The following LGSN variants were observed in gnomAD, a reference collection of about 807,000 sequenced individuals.
The protein encoded by LGSN is lengsin.
Under a neutral mutation model 19.5 loss-of-function variants are expected in LGSN, and 21 were observed. The observed-to-expected ratio is 1.07, with a 90% CI of 0.76 to 1.55. The LOEUF (loss-of-function observed/expected upper bound fraction) is 1.55, where lower values mean the gene tolerates loss of function less well. Among genes scored for constraint, LGSN ranks in the 40% most tolerant of loss-of-function variants. The probability of loss-of-function intolerance (pLI) is 0.00; values close to 1 mark genes in which losing one functional copy is unlikely to be tolerated. For missense variants in LGSN, 673 were observed against 608.5 expected (o/e 1.11, Z -1.12); for synonymous variants, 257 against 215.6 (o/e 1.19, Z -1.68).
chr6:63,461,769 G>C, the LGSN span, among the ~76,000 whole-genome samples: 1 of 152,150 alleles, frequency 6.6e-6, no homozygotes, highest in African/African-American at 2.4e-5. Context: ...CTATTAATTT[G>C]TATTCCAAAT....
At chr6:63,388,247 T>C in the LGSN span, among the ~76,000 whole-genome samples, 1 of 152,048 alleles carries the variant, frequency 6.6e-6, no homozygotes, top group Non-Finnish European at 1.5e-5. Flanking sequence ...AGTGGTGAAT[T>C]ATGAAGATAA....
At chr6:63,374,662 G>C in the LGSN span, among the ~76,000 whole-genome samples, 1 of 152,218 alleles carries the variant, frequency 6.6e-6, no homozygotes, top group African/African-American at 2.4e-5. Flanking sequence ...CAAGACAAAA[G>C]TGTTGTCTTA....
the LGSN span, among the ~76,000 whole-genome samples, chr6:63,546,428 G>A: frequency 1.4e-3 from 211 of 152,312 alleles, 1 homozygote; most frequent in Admixed American, 3.3e-3. Context: ...ACATTTGGCC[G>A]GGTGCGGTGG....
At chr6:63,347,935 T>G in the LGSN span, among the ~76,000 whole-genome samples, 1 of 152,066 alleles carries the variant, frequency 6.6e-6, no homozygotes, top group South Asian at 2.1e-4. Context: ...TAGAAAAAGG[T>G]TAATTGTGTG....
At chr6:63,479,784 C>T in the LGSN span, among the ~76,000 whole-genome samples, 1 of 152,098 alleles carries the variant, frequency 6.6e-6, no homozygotes, top group Non-Finnish European at 1.5e-5. Flanking sequence ...TTGAACTCCT[C>T]ATTTTATAGA....
chr6:63,368,642 T>C, the LGSN span, among the ~76,000 whole-genome samples: 2 of 152,240 alleles, frequency 1.3e-5, no homozygotes, highest in African/African-American at 4.8e-5. Flanking sequence ...TTCCCTCGTC[T>C]GCATTCTTTT....
chr6:63,519,174 G>A, the LGSN span, among the ~76,000 whole-genome samples: 2 of 152,162 alleles, frequency 1.3e-5, no homozygotes, highest in African/African-American at 4.8e-5. Flanking sequence ...GGGCATGATG[G>A]TGGGTGCCTG....
intron 3 of LGSN, among the ~76,000 whole-genome samples, chr6:63,281,813 C>A (rs1582017735): frequency 1.3e-5 from 2 of 152,272 alleles, no homozygotes; most frequent in African/African-American, 4.8e-5. Context: ...TTTTACAACC[C>A]ATTTAAGAAT....
chr6:63,553,872 G>A, the LGSN span, among the ~76,000 whole-genome samples: 1 of 152,086 alleles, frequency 6.6e-6, no homozygotes, highest in East Asian at 1.9e-4. Flanking sequence ...ATTTGAGTCA[G>A]GTTATTCAAA....
chr6:63,306,671 A>T (rs1457215089), intron 1 of LGSN, among the ~76,000 whole-genome samples: 1 of 152,232 alleles, frequency 6.6e-6, no homozygotes, highest in East Asian at 1.9e-4. Context: ...TGCTCAGGTT[A>T]GCCTAGTTCA....
At chr6:63,286,042 T>C (rs1419857058) in intron 2 of LGSN, among the ~76,000 whole-genome samples, 13 of 152,096 alleles carry the variant, frequency 8.5e-5, no homozygotes, top group Admixed American at 5.9e-4. Context: ...TTACTGAAAA[T>C]CCCTTTGCTT....
At chr6:63,353,263 T>C in the LGSN span, among the ~76,000 whole-genome samples, 451 of 152,118 alleles carry the variant, frequency 3.0e-3, 3 homozygotes, top group African/African-American at 0.01. Context: ...TGGCCAGAAA[T>C]TGCAGATTTC....
At chr6:63,323,343 C>T (rs549814227), upstream of LGSN, among the ~76,000 whole-genome samples, 58 of 152,168 alleles carry the variant, frequency 3.8e-4, no homozygotes, top group Admixed American at 7.9e-4. Context: ...TAGCCATCAC[C>T]GGAATAGTAT....
At chr6:63,281,330 T>TATATATATAA (rs1360072081) in intron 3 of LGSN, 110 bp from the exon 4 acceptor site, 25 of 149,502 alleles carry the variant, frequency 1.7e-4, no homozygotes, top group South Asian at 1.6e-3. Context: ...TATATATATA[T>TATATATATAA]AATAAATATA....
chr6:63,412,559 A>G, the LGSN span, among the ~76,000 whole-genome samples: 1,700 of 134,712 alleles, frequency 0.013, 125 homozygotes, highest in African/African-American at 0.041. Context: ...AGAAAGAAAG[A>G]AAGAAAGAAA....
the LGSN span, among the ~76,000 whole-genome samples, chr6:63,334,405 G>A: frequency 1.3e-5 from 2 of 152,198 alleles, no homozygotes; most frequent in Non-Finnish European, 1.5e-5. Context: ...TAACCTATTA[G>A]ATAGAAGATA....
the LGSN span, chr6:63,550,594 T>C: frequency 6.6e-6 from 1 of 152,288 alleles, no homozygotes; most frequent in Admixed American, 6.6e-5. Context: ...TTTTAACATT[T>C]CTATAGTGAT....
chr6:63,499,899 C>T, the LGSN span, among the ~76,000 whole-genome samples: 122 of 151,320 alleles, frequency 8.1e-4, 3 homozygotes, highest in African/African-American at 2.7e-3. Context: ...ATCAGAGACT[C>T]ATGCAACCAT....
At chr6:63,391,315 G>A in the LGSN span, among the ~76,000 whole-genome samples, 1 of 152,244 alleles carries the variant, frequency 6.6e-6, no homozygotes, top group African/African-American at 2.4e-5. Flanking sequence ...CCAAGAGGTT[G>A]TGTCTTAGCA....
Sources: allele counts gnomAD v4.1 joint callset (sites outside exome capture counted in the v4.1 genomes callset), GRCh38; gene constraint gnomAD v4.1.1; transcripts MANE v1.5; gene names NCBI Gene and HGNC (gene_info 2026-07-23, HGNC 2026-07-21).